LYPD6B: variants seen among roughly 807,000 people sequenced by gnomAD.
The protein encoded by LYPD6B is LY6/PLAUR domain containing 6B.
A neutral mutation model predicts 22.8 loss-of-function variants in LYPD6B; 17 were observed. That is an observed-to-expected ratio of 0.75 (90% CI 0.51 to 1.12). The LOEUF (loss-of-function observed/expected upper bound fraction) is 1.12. Among genes scored for constraint, LYPD6B ranks in the 50% most tolerant of loss-of-function variants. LYPD6B has a pLI of 0.00. For synonymous variants in LYPD6B, 106 were observed against 91.6 expected (o/e 1.16, Z -0.90); for missense variants, 221 against 258.3 (o/e 0.86, Z 0.99).
chr2:149,080,304 C>G (rs1233959264), intron 1 of LYPD6B, among the ~76,000 whole-genome samples: 2 of 152,142 alleles, frequency 1.3e-5, no homozygotes, highest in Non-Finnish European at 2.9e-5. Flanking sequence ...GTGAGGCCAC[C>G]AGTCGTGTTG....
chr2:149,206,616 G>A (rs1693521871), intron 4 of LYPD6B, among the ~76,000 whole-genome samples: 1 of 152,022 alleles, frequency 6.6e-6, no homozygotes, highest in Admixed American at 6.5e-5. Context: ...AGACAAAAAA[G>A]TAATTCATGT....
At chr2:149,075,663 C>T (rs976409577) in intron 1 of LYPD6B, among the ~76,000 whole-genome samples, 2 of 152,072 alleles carry the variant, frequency 1.3e-5, no homozygotes, top group African/African-American at 2.4e-5. Flanking sequence ...CATAGTTTGA[C>T]TATGACCTGG....
intron 1 of LYPD6B, among the ~76,000 whole-genome samples, chr2:149,061,243 A>T (rs148824245): frequency 0.011 from 1,577 of 149,654 alleles, 36 homozygotes; most frequent in African/African-American, 0.036. Context: ...GTCCCACAGG[A>T]TGGAGTGCAG....
chr2:149,211,337 T>G (rs1159592120), intron 5 of LYPD6B, among the ~76,000 whole-genome samples: 1 of 152,110 alleles, frequency 6.6e-6, no homozygotes, highest in Non-Finnish European at 1.5e-5. Context: ...AGTAGAATAA[T>G]GTTCTGGTTA....
intron 3 of LYPD6B, among the ~76,000 whole-genome samples, chr2:149,169,823 G>A (rs1045682963): frequency 7.9e-5 from 12 of 152,088 alleles, no homozygotes; most frequent in Non-Finnish European, 1.5e-4. Flanking sequence ...AACCTGTCCC[G>A]CCAGGTAATG....
chr2:149,155,037 C>A (rs1689612675), intron 2 of LYPD6B, among the ~76,000 whole-genome samples: 2 of 152,022 alleles, frequency 1.3e-5, no homozygotes, highest in South Asian at 4.2e-4. Context: ...AAAAAATTTA[C>A]CATCGAGTTT....
chr2:149,112,300 C>T (rs1686796094), intron 1 of LYPD6B, among the ~76,000 whole-genome samples: 1 of 152,056 alleles, frequency 6.6e-6, no homozygotes, highest in Non-Finnish European at 1.5e-5. Flanking sequence ...TGTACTTTGC[C>T]CTTTATAACT....
chr2:149,076,920 T>C (rs947314104), intron 1 of LYPD6B, among the ~76,000 whole-genome samples: 2 of 152,208 alleles, frequency 1.3e-5, no homozygotes, highest in Non-Finnish European at 2.9e-5. Context: ...AAGGTTAAGA[T>C]GTGCTGGGGT....
intron 1 of LYPD6B, among the ~76,000 whole-genome samples, chr2:149,074,366 A>G (rs1050258240): frequency 6.6e-6 from 1 of 152,246 alleles, no homozygotes; most frequent in East Asian, 1.9e-4. Flanking sequence ...GATCTAAAAC[A>G]TCAACTTTAA....
At chr2:149,064,092 T>A (rs957700116) in intron 1 of LYPD6B, among the ~76,000 whole-genome samples, 1 of 152,214 alleles carries the variant, frequency 6.6e-6, no homozygotes, top group African/African-American at 2.4e-5. Flanking sequence ...ATACTGATTG[T>A]TTTTTATACA....
chr2:149,178,503 G>A (rs1305694547), intron 3 of LYPD6B, among the ~76,000 whole-genome samples: 3 of 152,152 alleles, frequency 2.0e-5, no homozygotes, highest in Admixed American at 6.5e-5. Context: ...ACGAAGTGAC[G>A]GAGGCCATGC....
chr2:149,203,073 C>G (rs1044782461), intron 3 of LYPD6B, among the ~76,000 whole-genome samples: 14 of 152,160 alleles, frequency 9.2e-5, no homozygotes, highest in African/African-American at 3.4e-4. Context: ...ATGTGCTCAG[C>G]ACATGCACTC....
intron 3 of LYPD6B, among the ~76,000 whole-genome samples, chr2:149,183,348 C>A (rs555911424): frequency 7.9e-5 from 12 of 152,278 alleles, no homozygotes; most frequent in Middle Eastern, 3.4e-3. Context: ...TACTGCAAAC[C>A]TAAGCACTTG....
intron 1 of LYPD6B, among the ~76,000 whole-genome samples, chr2:149,078,514 A>G (rs1241915877): frequency 6.6e-6 from 1 of 152,180 alleles, no homozygotes; most frequent in Non-Finnish European, 1.5e-5. Flanking sequence ...TGGTTGCCAC[A>G]TAACACAAGG....
chr2:149,090,730 G>A (rs1180428838), intron 1 of LYPD6B, among the ~76,000 whole-genome samples: 1 of 152,138 alleles, frequency 6.6e-6, no homozygotes, highest in Non-Finnish European at 1.5e-5. Flanking sequence ...TAAGCAAATA[G>A]AAGGGTCTTA....
At position 149,051,326 on chromosome 2, in the gene LYPD6B, G is replaced by A. The variant is rs145572672; in HGVS notation, c.-67+12525G>A. 3.9e-4 allele frequency among the ~76,000 whole-genome samples: 59 copies of A among 151,916 alleles called. No homozygotes were observed. In the East Asian group the frequency reaches 0.01, roughly 26 times the overall value. ...ACTACAGGCACCTGCCACCACGCCC[G>A]GCTAATTTTTTCTATTTTTTAGTAG... On this transcript the variant is annotated intron_variant, in intron 1 of 6. Coordinates refer to ENST00000409642, the MANE Select transcript of LYPD6B (RefSeq NM_177964.5).
chr2:149,161,285 T>C (rs977232435), intron 3 of LYPD6B, among the ~76,000 whole-genome samples: 1 of 152,182 alleles, frequency 6.6e-6, no homozygotes, highest in African/African-American at 2.4e-5. Flanking sequence ...AGTTACAGAA[T>C]CTTTGCATGT....
intron 1 of LYPD6B, among the ~76,000 whole-genome samples, chr2:149,065,884 G>A (rs1355710916): frequency 2.0e-5 from 3 of 151,216 alleles, no homozygotes; most frequent in Non-Finnish European, 4.4e-5. Context: ...CTTTTTTTTT[G>A]TATTTTTCAT....
At chr2:149,163,506 A>T (rs557578661) in intron 3 of LYPD6B, among the ~76,000 whole-genome samples, 12 of 152,350 alleles carry the variant, frequency 7.9e-5, no homozygotes, top group Middle Eastern at 3.4e-3. Flanking sequence ...CTTTAGCATC[A>T]TGGCTGTCCA....
Sources: gnomAD v4.1 joint callset for allele counts (sites outside exome capture counted in the v4.1 genomes callset) on GRCh38, gnomAD v4.1.1 for gene constraint, MANE v1.5 for transcripts, NCBI Gene and HGNC (gene_info 2026-07-23, HGNC 2026-07-21) for gene names.